Variants in MYO5B observed in about 807,000 individuals in gnomAD.
MYO5B encodes the protein myosin VB.
A neutral mutation model predicts 229.3 loss-of-function variants in MYO5B; 143 were observed. The observed-to-expected ratio is 0.62, with a 90% CI of 0.54 to 0.72. The LOEUF (loss-of-function observed/expected upper bound fraction) is 0.72. MYO5B is among the 30% of genes least tolerant of loss of function. The pLI is 0.00. For missense variants in MYO5B, 2,321 were observed against 2,331.0 expected (o/e 1.00, Z 0.09); for synonymous variants, 918 against 885.2 (o/e 1.04, Z -0.66).
rs189486020 is a variant in MYO5B, at chr18:49,944,576, G to A, written c.1753-7179C>T. ...GATATGACCCTGCAACTTGATAGCCGTGTGGCCCATGGCAAACCTCTCAGG... is the reference window on the plus strand; with the variant it reads ...GATATGACCCTGCAACTTGATAGCCATGTGGCCCATGGCAAACCTCTCAGG... On this transcript the variant is annotated intron_variant, in intron 14 of 39. Transcript: ENST00000285039. Among the ~76,000 whole-genome samples the A allele has an allele frequency of 4.9e-4, 74 of 152,136 alleles. 1 individual carries two copies. Among genetic ancestry groups the A allele is most frequent in the Admixed American group, 1.1e-3 (17 of 15,268 alleles).
intron 1 of MYO5B, among the ~76,000 whole-genome samples, chr18:50,186,897 T>C (rs983289915): frequency 1.3e-5 from 2 of 152,148 alleles, no homozygotes; most frequent in South Asian, 2.1e-4. Context: ...GAAATGCCCA[T>C]ACCAAGCTCC....
At chr18:50,186,525 A>G (rs1343759304) in intron 1 of MYO5B, among the ~76,000 whole-genome samples, 1 of 152,128 alleles carries the variant, frequency 6.6e-6, no homozygotes, top group African/African-American at 2.4e-5. Context: ...CCGCTCTCAT[A>G]GTTCATGTTT....
At chr18:50,059,659 C>T (rs1297556567) in intron 1 of MYO5B, among the ~76,000 whole-genome samples, 2 of 152,154 alleles carry the variant, frequency 1.3e-5, no homozygotes, top group African/African-American at 4.8e-5. Context: ...AAGTGAACCC[C>T]CTGTTCTGTG....
intron 31 of MYO5B, among the ~76,000 whole-genome samples, chr18:49,851,381 G>A (rs1942419): frequency 0.12 from 18,990 of 152,160 alleles, 1,437 homozygotes; most frequent in East Asian, 0.27. Context: ...TGTGCTAAGG[G>A]GAATTATATA....
chr18:49,971,113 A>G (rs1038183064), intron 10 of MYO5B, among the ~76,000 whole-genome samples: 3 of 152,216 alleles, frequency 2.0e-5, no homozygotes, highest in African/African-American at 7.2e-5. Context: ...CAGGGATATG[A>G]ATAGAAAACT....
Position 50,174,427 on chromosome 18 carries a change from A to G in MYO5B, c.27+20340T>C, listed in dbSNP as rs145399727. Among the ~76,000 whole-genome samples, 442 of 152,316 alleles carry G rather than the reference A, an allele frequency of 2.9e-3. 1 individual carries two copies. The highest frequency in any genetic ancestry group is 0.01 in the African/African-American group (428 of 41,560). On this transcript the variant is annotated intron_variant, in intron 1 of 39. Coordinates refer to ENST00000285039, the MANE Select transcript of MYO5B (RefSeq NM_001080467.3). ...TGTCATGTGCTAGAACCCTGACATCAGGGATGGAAGCCCTGCATTCCAGTC... is the reference window on the plus strand; with the variant it reads ...TGTCATGTGCTAGAACCCTGACATCGGGGATGGAAGCCCTGCATTCCAGTC...
chr18:50,073,751 G>GTTTATTTCC (rs2031014243), intron 1 of MYO5B, among the ~76,000 whole-genome samples: 1 of 152,078 alleles, frequency 6.6e-6, no homozygotes, highest in African/African-American at 2.4e-5. Context: ...CCCCTCACCT[G>GTTTATTTCC]TTTATTTCCT....
chr18:49,853,502 G>A lies in MYO5B; in HGVS notation c.4168C>T (p.Gln1390Ter). ...CQTLLLSPEA[Q>*]VEFGVQQEIS... ...TCCTGCTGAACGCCGAATTCCACCTGGGCCTCTGGGGAGAGCAGTAGCGTC... is the reference window on the plus strand; with the variant it reads ...TCCTGCTGAACGCCGAATTCCACCTAGGCCTCTGGGGAGAGCAGTAGCGTC... Residue 1390 changes from glutamine to a stop codon, truncating the protein, a stop_gained, in exon 31 of 40, where the codon CAG becomes TAG. Coordinates refer to ENST00000285039, the MANE Select transcript of MYO5B (RefSeq NM_001080467.3). LOFTEE classifies it high-confidence loss of function. 1 of 1,614,180 alleles carries A rather than the reference G, an allele frequency of 6.2e-7. No individual in the cohort carries two copies. The highest frequency in any genetic ancestry group is 8.5e-7 in the Non-Finnish European group (1 of 1,180,034).
intron 17 of MYO5B, among the ~76,000 whole-genome samples, chr18:49,920,404 G>A (rs539365454): frequency 1.3e-5 from 2 of 152,208 alleles, no homozygotes; most frequent in South Asian, 4.1e-4. Context: ...CTCACGGAGG[G>A]GTTCCAGTGC....
intron 1 of MYO5B, among the ~76,000 whole-genome samples, chr18:50,172,511 C>G (rs2032934288): frequency 6.6e-6 from 1 of 152,196 alleles, no homozygotes; most frequent in Admixed American, 6.5e-5. Flanking sequence ...AAGCAAGACT[C>G]TCATGCAGTG....
intron 1 of MYO5B, among the ~76,000 whole-genome samples, chr18:50,082,669 C>A (rs954293758): frequency 6.6e-6 from 1 of 152,192 alleles, no homozygotes. Flanking sequence ...TCCCTTCCAA[C>A]TTCTGTCCCT....
At chr18:50,023,362 C>T (rs2144361651) in intron 4 of MYO5B, among the ~76,000 whole-genome samples, 1 of 152,198 alleles carries the variant, frequency 6.6e-6, no homozygotes, top group African/African-American at 2.4e-5. Flanking sequence ...GGTATTATGC[C>T]AAACCAAGCT....
intron 4 of MYO5B, among the ~76,000 whole-genome samples, chr18:50,036,267 G>C (rs1404656188): frequency 2.6e-5 from 4 of 152,192 alleles, no homozygotes; most frequent in African/African-American, 9.7e-5. Context: ...TGAAGAAACA[G>C]ATGTGCTATT....
At chr18:49,910,739 A>G (rs886854133) in intron 18 of MYO5B, among the ~76,000 whole-genome samples, 4 of 152,254 alleles carry the variant, frequency 2.6e-5, no homozygotes, top group African/African-American at 7.2e-5. Context: ...TTTACAAAAT[A>G]AAACATGACC....
At chr18:49,912,490 G>A (rs931061308) in intron 17 of MYO5B, among the ~76,000 whole-genome samples, 7 of 152,136 alleles carry the variant, frequency 4.6e-5, no homozygotes, top group African/African-American at 1.2e-4. Flanking sequence ...ATCGTGAATT[G>A]TACCTCCCAT....
At chr18:49,848,843 G>C (rs1598830251) in intron 32 of MYO5B, among the ~76,000 whole-genome samples, 1 of 152,266 alleles carries the variant, frequency 6.6e-6, no homozygotes, top group East Asian at 1.9e-4. Context: ...AGACATCCCT[G>C]CCCTCTAAGA....
At chr18:50,155,500 T>C (rs1051704363) in intron 1 of MYO5B, among the ~76,000 whole-genome samples, 3 of 152,214 alleles carry the variant, frequency 2.0e-5, no homozygotes, top group African/African-American at 7.2e-5. Flanking sequence ...TTCCTAAGGA[T>C]TGAACAACCA....
At chr18:50,180,615 T>G (rs1237375935) in intron 1 of MYO5B, among the ~76,000 whole-genome samples, 1 of 152,238 alleles carries the variant, frequency 6.6e-6, no homozygotes, top group African/African-American at 2.4e-5. Flanking sequence ...TACATTCACA[T>G]TGTTGTACAA....
intron 2 of MYO5B, among the ~76,000 whole-genome samples, chr18:50,041,785 T>C (rs1269545051): frequency 6.6e-6 from 1 of 152,200 alleles, no homozygotes; most frequent in African/African-American, 2.4e-5. Flanking sequence ...AATTTGACTA[T>C]AATTTAAAAC....
Sources: gnomAD v4.1 joint callset for allele counts (sites outside exome capture counted in the v4.1 genomes callset) on GRCh38, gnomAD v4.1.1 for gene constraint, MANE v1.5 for transcripts, NCBI Gene and HGNC (gene_info 2026-07-23, HGNC 2026-07-21) for gene names.